RAPGEF4: variants seen among roughly 807,000 people sequenced by gnomAD.
RAPGEF4 encodes the protein Rap guanine nucleotide exchange factor 4, also known as RAP guanine-nucleotide-exchange factor (GEF) 4.
A neutral mutation model predicts 147.9 loss-of-function variants in RAPGEF4; 66 were observed. The observed-to-expected ratio is 0.45, with a 90% CI of 0.37 to 0.55. The LOEUF (loss-of-function observed/expected upper bound fraction) is 0.55, where lower values mean the gene tolerates loss of function less well. Among genes scored for constraint, RAPGEF4 ranks in the 20% least tolerant of loss-of-function variants. The probability of loss-of-function intolerance (pLI) is 0.00; values close to 1 mark genes in which losing one functional copy is unlikely to be tolerated. For synonymous variants in RAPGEF4, 419 were observed against 442.7 expected, an observed-to-expected ratio of 0.95 and a Z score of 0.67; for missense variants, 1,071 against 1,257.3, an observed-to-expected ratio of 0.85 and a Z score of 2.24.
intron 5 of RAPGEF4, among the ~76,000 whole-genome samples, chr2:172,919,998 G>A (rs552795672): frequency 6.6e-6 from 1 of 152,208 alleles, no homozygotes; most frequent in South Asian, 2.1e-4. Context: ...TTAGGGCAGA[G>A]ATGAGTCAAC....
chr2:172,835,426 A>G (rs1690814898), intron 4 of RAPGEF4, among the ~76,000 whole-genome samples: 1 of 152,242 alleles, frequency 6.6e-6, no homozygotes, highest in South Asian at 2.1e-4. Flanking sequence ...ATTAATAAAT[A>G]GAAGAGACAG....
intron 1 of RAPGEF4, among the ~76,000 whole-genome samples, chr2:172,749,727 G>T (rs982726995): frequency 1.3e-5 from 2 of 152,172 alleles, no homozygotes; most frequent in Non-Finnish European, 2.9e-5. Context: ...CTCAGAAAAT[G>T]GGCTTTTCTT....
intron 3 of RAPGEF4, among the ~76,000 whole-genome samples, chr2:172,798,358 T>A (rs1369967248): frequency 6.6e-6 from 1 of 152,152 alleles, no homozygotes; most frequent in African/African-American, 2.4e-5. Flanking sequence ...CTGCAGTGAC[T>A]CTTGCTCTGT....
At chr2:172,784,780 T>TA (rs1173688183) in intron 1 of RAPGEF4, among the ~76,000 whole-genome samples, 1 of 152,150 alleles carries the variant, frequency 6.6e-6, no homozygotes, top group Admixed American at 6.5e-5. Context: ...TTTAGCATAC[T>TA]AATAGTCACC....
In RAPGEF4 at chr2:172,737,799, G is replaced by A. The variant is rs575653095; in HGVS notation, c.65+1751G>A. ...CAATAAGTTAAGGGTTTTAGGCACAGAGCTGTTACCAGTTCTGATATTGGA... is the reference window on the plus strand; with the variant it reads ...CAATAAGTTAAGGGTTTTAGGCACAAAGCTGTTACCAGTTCTGATATTGGA... On this transcript the variant is annotated intron_variant, in intron 1 of 30. Transcript: ENST00000397081. Among the ~76,000 whole-genome samples the A allele has an allele frequency of 6.1e-5, 9 of 146,742 alleles. No homozygotes were observed. In the South Asian group the frequency reaches 2.0e-3, roughly 33 times the overall value.
chr2:172,756,106 A>G (rs763945430), intron 1 of RAPGEF4, among the ~76,000 whole-genome samples: 12 of 152,202 alleles, frequency 7.9e-5, no homozygotes, highest in Admixed American at 5.9e-4. Context: ...ACCCTACTTC[A>G]TATCACTCAT....
chr2:172,918,196 G>A lies in RAPGEF4; in HGVS notation c.517+322G>A, dbSNP rs1006529948. Among the ~76,000 whole-genome samples, 6 of 149,246 alleles carry A rather than the reference G, an allele frequency of 4.0e-5. No individual in the cohort carries two copies. The South Asian group carries it at 8.5e-4, about 21-fold the overall frequency. Reference sequence around the variant, plus strand: ...GTGCCCTTTTAAAGAAGGGATGCACGAACTGTATTTGTTTCAGTCCCATCT... The same window carrying A: ...GTGCCCTTTTAAAGAAGGGATGCACAAACTGTATTTGTTTCAGTCCCATCT... On this transcript the variant is annotated intron_variant, in intron 5 of 30. Transcript: ENST00000397081.
intron 4 of RAPGEF4, among the ~76,000 whole-genome samples, chr2:172,849,053 G>A (rs1188187615): frequency 6.6e-6 from 1 of 151,620 alleles, no homozygotes; most frequent in African/African-American, 2.4e-5. Flanking sequence ...TAAGAATAAT[G>A]GCTGTTCTCT....
intron 30 of RAPGEF4, among the ~76,000 whole-genome samples, chr2:173,049,330 T>C (rs1176677374): frequency 2.0e-5 from 3 of 152,188 alleles, no homozygotes; most frequent in African/African-American, 7.2e-5. Flanking sequence ...TGCTACTGTT[T>C]CTTCTGGGCT....
intron 15 of RAPGEF4, among the ~76,000 whole-genome samples, 176 bp downstream of exon 15, chr2:172,991,101 A>T (rs1171135058): frequency 6.6e-6 from 1 of 152,194 alleles, no homozygotes; most frequent in Non-Finnish European, 1.5e-5. Context: ...CATTTCTGGC[A>T]CAGCATTGAG....
rs1575577253 is a variant in RAPGEF4, at chr2:173,036,043, T to G, written c.2701-82T>G. On this transcript the variant is annotated intron_variant, in intron 27 of 30. Transcript: ENST00000397081. ...AGGTCAACTGTACCTGATTGTGGGG[T>G]GAAAGGCAGGTGTATTAGGAGGTAA... 4 of 1,021,304 alleles carry G rather than the reference T, an allele frequency of 3.9e-6. No homozygotes were observed. The African/African-American group carries it at 6.3e-5, about 16-fold the overall frequency. 63.3% of individuals were successfully genotyped at this position (1,021,304 alleles called of 1,614,324 possible).
chr2:172,907,631 C>T (rs2149991326), intron 4 of RAPGEF4, among the ~76,000 whole-genome samples: 1 of 152,116 alleles, frequency 6.6e-6, no homozygotes, highest in Non-Finnish European at 1.5e-5. Context: ...TCTTATTTTC[C>T]CACAGGTCCA....
At chr2:172,833,112 G>A (rs987498802) in intron 4 of RAPGEF4, among the ~76,000 whole-genome samples, 2 of 151,086 alleles carry the variant, frequency 1.3e-5, no homozygotes, top group Non-Finnish European at 2.9e-5. Flanking sequence ...GCTGAGGCAG[G>A]AAAATCACTT....
intron 1 of RAPGEF4, among the ~76,000 whole-genome samples, chr2:172,758,785 A>G (rs187667690): frequency 2.0e-5 from 3 of 152,194 alleles, no homozygotes; most frequent in African/African-American, 4.8e-5. Context: ...TGAGATACCT[A>G]TTAGACATTC....
At chr2:173,036,018 A>G (rs1384885161) in intron 27 of RAPGEF4, 107 bp from the exon 28 acceptor site, 1 of 821,614 alleles carries the variant, frequency 1.2e-6, no homozygotes, top group Non-Finnish European at 2.1e-6. Flanking sequence ...TGTTGTTCAA[A>G]GGTCAACTGT....
intron 1 of RAPGEF4, among the ~76,000 whole-genome samples, chr2:172,757,257 ACT>A (rs1016563499): frequency 2.6e-5 from 4 of 152,184 alleles, no homozygotes; most frequent in African/African-American, 9.7e-5. Flanking sequence ...TTATTTAGTA[ACT>A]CTGGTAGAAT....
At position 172,797,533 on chromosome 2, in the gene RAPGEF4, C is replaced by T; in HGVS notation, c.217C>T (p.Gln73Ter). The change falls in exon 3 of 31, where the codon CAG (glutamine) becomes TAG (stop). Residue 73 changes from glutamine (Q) to a stop codon, truncating the protein, a stop_gained. Coordinates refer to ENST00000397081, the MANE Select transcript of RAPGEF4 (RefSeq NM_007023.4). LOFTEE classifies it high-confidence loss of function. ...CAATTTTTTTTTCCCAGTATTTCGC[C>T]AGGGTGATATTGGAACAAACTGGTA... ...NLEKGITLFRQGDIGTNWYAV... is the reference protein window; with the variant it reads ...NLEKGITLFR 6.2e-7 allele frequency: 1 copy of T among 1,612,602 alleles called. No homozygotes were observed.
intron 30 of RAPGEF4, among the ~76,000 whole-genome samples, chr2:173,049,384 G>C (rs1685920686): frequency 6.6e-6 from 1 of 152,136 alleles, no homozygotes; most frequent in Admixed American, 6.5e-5. Flanking sequence ...CCTCAATCTG[G>C]TCTGGAAATG....
Position 173,027,275 on chromosome 2 carries a change from T to C in RAPGEF4, c.2558+16T>C, listed in dbSNP as rs776970116. 2.6e-6 allele frequency: 4 copies of C among 1,548,898 alleles called. No homozygotes were observed. Among genetic ancestry groups the C allele is most frequent in the Non-Finnish European group, 3.5e-6 (4 of 1,153,794 alleles). Reference sequence around the variant, plus strand: ...TAGCAGCCCAGTAAGTATATTTAGCTTGGAAAGAGAAAAAAAAATGTTGAG... The same window carrying C: ...TAGCAGCCCAGTAAGTATATTTAGCCTGGAAAGAGAAAAAAAAATGTTGAG... On this transcript the variant is annotated intron_variant, in intron 25 of 30. Coordinates refer to ENST00000397081, the MANE Select transcript of RAPGEF4 (RefSeq NM_007023.4).
Sources: allele counts gnomAD v4.1 joint callset (sites outside exome capture counted in the v4.1 genomes callset), GRCh38; gene constraint gnomAD v4.1.1; transcripts MANE v1.5; gene names NCBI Gene and HGNC (gene_info 2026-07-23, HGNC 2026-07-21).